Variants in QSER1 observed in about 807,000 individuals in gnomAD.
QSER1 encodes the protein glutamine and serine rich 1, also known as glutamine and serine-rich protein 1.
A neutral mutation model predicts 158.5 loss-of-function variants in QSER1; 49 were observed. That is an observed-to-expected ratio of 0.31 (90% CI 0.25 to 0.39). The LOEUF (loss-of-function observed/expected upper bound fraction) is 0.39, where lower values mean the gene tolerates loss of function less well. QSER1 is among the 10% of genes least tolerant of loss of function. QSER1 has a pLI of 1.00. For missense variants in QSER1, 1,754 were observed against 2,010.3 expected (o/e 0.87, Z 2.44); for synonymous variants, 650 against 715.5 (o/e 0.91, Z 1.46).
intron 2 of QSER1, 32 bp from the exon 3 acceptor site, chr11:32,927,930 T>TC: frequency 1.8e-6 from 1 of 568,652 alleles, no homozygotes; most frequent in East Asian, 3.1e-5. Flanking sequence ...TTTTTTTTTT[T>TC]ACTTTGGGAT....
chr11:32,948,653 C>G (rs6484614), intron 4 of QSER1, among the ~76,000 whole-genome samples: 144,684 of 152,286 alleles, frequency 0.95, 69,161 homozygotes, highest in South Asian at 1. Context: ...CAAAACTATT[C>G]TTTGGTTTGT....
At chr11:32,965,944 AACAC>A (rs5790910) in intron 8 of QSER1, among the ~76,000 whole-genome samples, 1,374 of 123,602 alleles carry the variant, frequency 0.011, 16 homozygotes, top group African/African-American at 0.02. Flanking sequence ...TCTGTCTCAA[AACAC>A]ACACACACAC....
Position 32,966,286 on chromosome 11 carries a change from T to C in QSER1, c.4970-14T>C. The C allele has an allele frequency of 6.2e-7, 1 of 1,610,652 alleles. No homozygotes were observed. Among genetic ancestry groups the C allele is most frequent in the Non-Finnish European group, 8.5e-7 (1 of 1,178,982 alleles). The stretch of plus-strand genomic sequence containing the variant: ...GGAAGGAAAATTTAATATTTAACCC[T>C]TTCTCCCTCCCAGAATTTGAACCTC... On this transcript the variant is annotated splice_polypyrimidine_tract_variant and intron_variant, in intron 8 of 12. Transcript: ENST00000650167.
At chr11:32,910,296 G>C (rs1851750049) in intron 1 of QSER1, among the ~76,000 whole-genome samples, 1 of 152,064 alleles carries the variant, frequency 6.6e-6, no homozygotes, top group African/African-American at 2.4e-5. Context: ...ATTTGATAGA[G>C]TTTATAATTG....
chr11:32,959,694 T>C (rs1430712686), intron 8 of QSER1, among the ~76,000 whole-genome samples: 2 of 152,162 alleles, frequency 1.3e-5, no homozygotes, highest in Non-Finnish European at 2.9e-5. Context: ...TCTTAGAAAT[T>C]ATCTGATTAG....
At chr11:32,955,949 A>G (rs1325367850) in intron 6 of QSER1, 39 bp from the exon 7 acceptor site, 5 of 1,564,082 alleles carry the variant, frequency 3.2e-6, no homozygotes, top group Non-Finnish European at 4.4e-6. Context: ...TTGTATCTAG[A>G]TTGTTCAATT....
intron 1 of QSER1, among the ~76,000 whole-genome samples, chr11:32,904,937 T>C (rs571635309): frequency 6.6e-6 from 1 of 152,352 alleles, no homozygotes; most frequent in South Asian, 2.1e-4. Flanking sequence ...TTTTTGACAG[T>C]AGAACTTCAG....
At chr11:32,931,699 T>C (rs763431569) in intron 3 of QSER1, 44 bp from the exon 4 acceptor site, 1 of 1,420,342 alleles carries the variant, frequency 7.0e-7, no homozygotes, top group Non-Finnish European at 9.6e-7. Flanking sequence ...CATAAAGTAA[T>C]TGTGCCATAA....
At chr11:32,908,396 T>C (rs967454204) in intron 1 of QSER1, among the ~76,000 whole-genome samples, 8 of 152,216 alleles carry the variant, frequency 5.3e-5, no homozygotes, top group African/African-American at 1.4e-4. Context: ...TTCTTGGGCA[T>C]CAGTTACAAA....
At chr11:32,929,519 T>G (rs1852018023) in intron 3 of QSER1, among the ~76,000 whole-genome samples, 1 of 152,246 alleles carries the variant, frequency 6.6e-6, no homozygotes, top group Non-Finnish European at 1.5e-5. Context: ...AGAGCACGAC[T>G]GATTTTACTA....
intron 1 of QSER1, among the ~76,000 whole-genome samples, chr11:32,925,479 G>A (rs1851955404): frequency 6.6e-6 from 1 of 151,004 alleles, no homozygotes; most frequent in Non-Finnish European, 1.5e-5. Context: ...CTACTGGAAT[G>A]TTGATACATC....
chr11:32,969,531 G>A lies in QSER1; in HGVS notation c.5205+388G>A, dbSNP rs181117894. ...GCTGATTTTTATAAGGGTAGGAAAT[G>A]TATATAATTCTATATGTTAATATAT... On this transcript the variant is annotated intron_variant, in intron 10 of 12. Coordinates refer to ENST00000650167, the MANE Select transcript of QSER1 (RefSeq NM_001076786.3). Among the ~76,000 whole-genome samples the A allele has an allele frequency of 7.2e-5, 11 of 152,118 alleles. No homozygotes were observed. In the East Asian group the frequency reaches 1.9e-3, roughly 27 times the overall value.
intron 10 of QSER1, among the ~76,000 whole-genome samples, chr11:32,969,686 CTTT>C (rs1321422488): frequency 7.4e-6 from 1 of 134,726 alleles, no homozygotes. Context: ...CTTTTCTTTT[CTTT>C]TTTTTTTTTT....
At chr11:32,938,604 A>G (rs1426525325) in intron 4 of QSER1, among the ~76,000 whole-genome samples, 2 of 152,350 alleles carry the variant, frequency 1.3e-5, no homozygotes, top group Admixed American at 1.3e-4. Flanking sequence ...TTTCTGGAAC[A>G]TAGGCTTGCT....
chr11:32,897,035 G>A (rs765386182), intron 1 of QSER1, among the ~76,000 whole-genome samples: 1 of 152,130 alleles, frequency 6.6e-6, no homozygotes, highest in Non-Finnish European at 1.5e-5. Flanking sequence ...AGTAATAGTA[G>A]CTGTCATTTA....
intron 10 of QSER1, among the ~76,000 whole-genome samples, chr11:32,970,388 CCT>C (rs1852829810): frequency 6.6e-6 from 1 of 152,120 alleles, no homozygotes; most frequent in Non-Finnish European, 1.5e-5. Flanking sequence ...TCTCCTGACT[CCT>C]AGTCCAGTTT....
At chr11:32,922,423 A>G (rs1851910168) in intron 1 of QSER1, among the ~76,000 whole-genome samples, 1 of 152,120 alleles carries the variant, frequency 6.6e-6, no homozygotes, top group South Asian at 2.1e-4. Flanking sequence ...ACTTTTACTA[A>G]AGATTTCTAC....
intron 1 of QSER1, among the ~76,000 whole-genome samples, chr11:32,913,886 G>T (rs1348958157): frequency 6.6e-6 from 1 of 152,200 alleles, no homozygotes; most frequent in African/African-American, 2.4e-5. Flanking sequence ...TTTGAATCCT[G>T]TGGCCTGTTT....
In QSER1 at chr11:32,946,143, T is replaced by A. The variant is rs566062426; in HGVS notation, c.4178-7714T>A. Among the ~76,000 whole-genome samples the A allele has an allele frequency of 2.0e-5, 3 of 152,000 alleles. No homozygotes were observed. The South Asian group carries it at 6.2e-4, about 32-fold the overall frequency. On this transcript the variant is annotated intron_variant, in intron 4 of 12. Coordinates refer to ENST00000650167, the MANE Select transcript of QSER1 (RefSeq NM_001076786.3). ...TATTCTAGTTATACATTCTTCTAAATTTTCTTCAAAGTTTTCAACTTCTTT... is the reference window on the plus strand; with the variant it reads ...TATTCTAGTTATACATTCTTCTAAAATTTCTTCAAAGTTTTCAACTTCTTT...
Sources: allele counts gnomAD v4.1 joint callset (sites outside exome capture counted in the v4.1 genomes callset), GRCh38; gene constraint gnomAD v4.1.1; transcripts MANE v1.5; gene names NCBI Gene and HGNC (gene_info 2026-07-23, HGNC 2026-07-21).